SH3BGRL: variants seen among roughly 807,000 people sequenced by gnomAD.
SH3BGRL encodes SH3 domain binding glutamate rich protein like.
Under a neutral mutation model 9.8 loss-of-function variants are expected in SH3BGRL, and 7 were observed. That is an observed-to-expected ratio of 0.72 (90% CI 0.41 to 1.35). The LOEUF (loss-of-function observed/expected upper bound fraction) is 1.35, where lower values mean the gene tolerates loss of function less well. SH3BGRL is among the 40% of genes most tolerant of loss of function. SH3BGRL has a pLI of 0.01. For missense variants in SH3BGRL, 73 were observed against 84.4 expected, an observed-to-expected ratio of 0.86 and a Z score of 0.53; for synonymous variants, 36 against 29.1, an observed-to-expected ratio of 1.24 and a Z score of -0.76.
chrX:81,262,957 C>T (rs2075745607), intron 1 of SH3BGRL, among the ~76,000 whole-genome samples: 1 of 111,334 alleles, frequency 9.0e-6, no homozygotes. Context: ...CTCCAGATAG[C>T]CTATCAACTA....
intron 3 of SH3BGRL, among the ~76,000 whole-genome samples, chrX:81,288,416 T>A (rs2075844672): frequency 8.9e-6 from 1 of 111,971 alleles, no homozygotes. Context: ...TTATTTAACA[T>A]AGTACTGGGA....
intron 1 of SH3BGRL, among the ~76,000 whole-genome samples, chrX:81,221,526 T>C (rs1226636107): frequency 8.9e-6 from 1 of 111,755 alleles, no homozygotes; most frequent in Non-Finnish European, 1.9e-5. Flanking sequence ...TAATTTTTGC[T>C]CCACCTTTCC....
At chrX:81,253,828 C>G (rs2075717785) in intron 1 of SH3BGRL, among the ~76,000 whole-genome samples, 1 of 111,900 alleles carries the variant, frequency 8.9e-6, no homozygotes, top group South Asian at 3.7e-4. Flanking sequence ...TTCAAAGATG[C>G]AAATATCCTT....
intron 3 of SH3BGRL, among the ~76,000 whole-genome samples, chrX:81,282,064 C>A (rs907676076): frequency 8.9e-6 from 1 of 111,956 alleles, no homozygotes; most frequent in African/African-American, 3.2e-5. Flanking sequence ...TTTAAAGCAA[C>A]AGTGGTAAAA....
intron 1 of SH3BGRL, among the ~76,000 whole-genome samples, chrX:81,231,971 C>T (rs2075634190): frequency 9.0e-6 from 1 of 110,981 alleles, no homozygotes; most frequent in Admixed American, 9.6e-5. Flanking sequence ...TATATATATA[C>T]ACACACACGT....
chrX:81,255,382 T>G (rs769698809), intron 1 of SH3BGRL: 1 of 112,010 alleles, frequency 8.9e-6, no homozygotes, highest in South Asian at 3.7e-4. Flanking sequence ...GCTATTTAGT[T>G]AGACAAGGGT....
intron 1 of SH3BGRL, among the ~76,000 whole-genome samples, chrX:81,245,740 C>T (rs1453016012): frequency 1.8e-5 from 2 of 111,577 alleles, no homozygotes; most frequent in East Asian, 2.8e-4. Flanking sequence ...TTGATGGGCA[C>T]CTAGGTTAAT....
chrX:81,253,046 A>G (rs557605882), intron 1 of SH3BGRL, among the ~76,000 whole-genome samples: 1 of 112,402 alleles, frequency 8.9e-6, no homozygotes, highest in South Asian at 3.7e-4. Context: ...ATTTATGTCA[A>G]TAAGTGATTC....
intron 1 of SH3BGRL, among the ~76,000 whole-genome samples, chrX:81,225,020 T>C (rs1485239892): frequency 9.0e-6 from 1 of 110,979 alleles, no homozygotes; most frequent in African/African-American, 3.3e-5. Flanking sequence ...ATGAATGATA[T>C]GTGAAACAAA....
chrX:81,238,007 G>C (rs1217287583), intron 1 of SH3BGRL, among the ~76,000 whole-genome samples: 1 of 109,288 alleles, frequency 9.2e-6, no homozygotes, highest in Non-Finnish European at 1.9e-5. Context: ...GGAACCCACT[G>C]CCTTGAAGGG....
At chrX:81,206,116 A>C (rs2075547295) in intron 1 of SH3BGRL, among the ~76,000 whole-genome samples, 1 of 111,670 alleles carries the variant, frequency 9.0e-6, no homozygotes, top group Admixed American at 9.6e-5. Flanking sequence ...TCCACATATT[A>C]ATCTCTTGTC....
At chrX:81,288,321 C>T (rs2075844202) in intron 3 of SH3BGRL, among the ~76,000 whole-genome samples, 1 of 112,047 alleles carries the variant, frequency 8.9e-6, no homozygotes, top group African/African-American at 3.2e-5. Flanking sequence ...GACTGAACCA[C>T]AGCTAGTATC....
At chrX:81,257,221 C>T (rs778487840) in intron 1 of SH3BGRL, among the ~76,000 whole-genome samples, 3 of 111,457 alleles carry the variant, frequency 2.7e-5, no homozygotes, top group Non-Finnish European at 5.6e-5. Context: ...TGCAACGATT[C>T]TGAGAGGTAG....
intron 1 of SH3BGRL, among the ~76,000 whole-genome samples, chrX:81,241,403 G>A (rs1233999452): frequency 8.9e-6 from 1 of 112,160 alleles, no homozygotes; most frequent in Non-Finnish European, 1.9e-5. Flanking sequence ...CTGGGGGCCA[G>A]GCTGCCAGTT....
At chrX:81,245,801 G>A (rs975692139) in intron 1 of SH3BGRL, among the ~76,000 whole-genome samples, 1 of 111,819 alleles carries the variant, frequency 8.9e-6, no homozygotes, top group Admixed American at 9.5e-5. Context: ...GCAAGTAAGT[G>A]TGTCTTTTTG....
intron 1 of SH3BGRL, among the ~76,000 whole-genome samples, chrX:81,261,198 G>T (rs192731890): frequency 4.5e-5 from 5 of 111,430 alleles, no homozygotes; most frequent in African/African-American, 1.6e-4. Flanking sequence ...TTCCAGCCTT[G>T]ACACCCAGTT....
In SH3BGRL at chrX:81,245,451, T is replaced by C. The variant is rs146847582; in HGVS notation, c.46-31533T>C. On this transcript the variant is annotated intron_variant, in intron 1 of 3. Coordinates refer to ENST00000373212, the MANE Select transcript of SH3BGRL (RefSeq NM_003022.3). Reference sequence around the variant, plus strand: ...AGATTTCTTCCTTTGCACACAATGGTTTGGCGAGCTTGCTTTTATGTAATA... The same window carrying C: ...AGATTTCTTCCTTTGCACACAATGGCTTGGCGAGCTTGCTTTTATGTAATA... Among the ~76,000 whole-genome samples, 263 of 112,025 alleles carry C rather than the reference T, an allele frequency of 2.3e-3. 1 individual carries two copies. The highest frequency in any genetic ancestry group is 7.9e-3 in the African/African-American group (245 of 30,875).
At chrX:81,244,916 G>A (rs1294736729) in intron 1 of SH3BGRL, among the ~76,000 whole-genome samples, 2 of 111,642 alleles carry the variant, frequency 1.8e-5, no homozygotes, top group Admixed American at 9.5e-5. Flanking sequence ...TTAGGCAGAG[G>A]AAGAAAAACC....
intron 1 of SH3BGRL, among the ~76,000 whole-genome samples, chrX:81,258,220 AT>A (rs756756539): frequency 1.3e-3 from 145 of 111,886 alleles, no homozygotes; most frequent in Non-Finnish European, 2.1e-3. Flanking sequence ...TGCTCACAAC[AT>A]TCTTTCAACT....
Sources: gnomAD v4.1 joint callset for allele counts (sites outside exome capture counted in the v4.1 genomes callset) on GRCh38, gnomAD v4.1.1 for gene constraint, MANE v1.5 for transcripts, NCBI Gene and HGNC (gene_info 2026-07-23, HGNC 2026-07-21) for gene names.